RANBP2: variants seen among roughly 807,000 people sequenced by gnomAD.
RANBP2 encodes RAN binding protein 2, also known as E3 SUMO-protein ligase RanBP2.
Under a neutral mutation model 303.6 loss-of-function variants are expected in RANBP2, and 57 were observed. The ratio of observed to expected loss-of-function variants is 0.19; its 90% confidence interval spans 0.15 to 0.23. The LOEUF is 0.23. RANBP2 is among the 10% of genes least tolerant of loss of function. The probability of loss-of-function intolerance (pLI) is 1.00; values close to 1 mark genes in which losing one functional copy is unlikely to be tolerated. For missense variants in RANBP2, 3,138 were observed against 3,780.8 expected (o/e 0.83, Z 4.46); for synonymous variants, 1,167 against 1,301.5 (o/e 0.90, Z 2.23).
chr2:109,338,777 C>T, the RANBP2 span, among the ~76,000 whole-genome samples: 4 of 152,204 alleles, frequency 2.6e-5, no homozygotes, highest in East Asian at 1.9e-4. Flanking sequence ...AGGCTGGTCT[C>T]GAACTCTTGA....
chr2:108,864,565 A>G, the RANBP2 span, among the ~76,000 whole-genome samples: 8 of 152,134 alleles, frequency 5.3e-5, no homozygotes, highest in Non-Finnish European at 1.2e-4. Context: ...TGGGAGGCCA[A>G]GGCGGGCAGA....
downstream of RANBP2, chr2:108,786,643 T>G (rs887476364): frequency 3.0e-5 from 19 of 625,826 alleles, no homozygotes; most frequent in African/African-American, 3.3e-4. Flanking sequence ...CACGAGAAAC[T>G]TGGAGGACGC....
chr2:109,553,771 T>C, the RANBP2 span, among the ~76,000 whole-genome samples: 1 of 151,124 alleles, frequency 6.6e-6, no homozygotes, highest in South Asian at 2.1e-4. Flanking sequence ...GGAGAATTGC[T>C]TGAGCCTAGG....
At position 108,763,213 on chromosome 2, in the gene RANBP2, A is replaced by G. The variant is rs1268808236; in HGVS notation, c.2698-24A>G. ...TGTAGTTTTGTAGACAATCTACAAA[A>G]TGTTTTAACTTTCTGTCTTTTAGGG... On this transcript the variant is annotated intron_variant, in intron 19 of 28. Transcript: ENST00000283195. 2.5e-6 allele frequency: 4 copies of G among 1,611,958 alleles called. No homozygotes were observed. The East Asian group carries it at 8.9e-5, about 36-fold the overall frequency.
chr2:109,205,206 C>T, the RANBP2 span, among the ~76,000 whole-genome samples: 1 of 150,574 alleles, frequency 6.6e-6, no homozygotes. Context: ...AACTCCGTCT[C>T]TAAAAATAAA....
the RANBP2 span, among the ~76,000 whole-genome samples, chr2:109,728,915 C>T: frequency 6.6e-6 from 1 of 152,032 alleles, no homozygotes; most frequent in Non-Finnish European, 1.5e-5. Flanking sequence ...TGCTAAATTC[C>T]TGAGAATTTA....
At chr2:109,742,953 G>T in the RANBP2 span, among the ~76,000 whole-genome samples, 1 of 148,396 alleles carries the variant, frequency 6.7e-6, no homozygotes, top group Non-Finnish European at 1.5e-5. Context: ...AATAAATGAT[G>T]CTGAAATGAT....
At chr2:109,717,880 C>T in the RANBP2 span, among the ~76,000 whole-genome samples, 1 of 151,368 alleles carries the variant, frequency 6.6e-6, no homozygotes, top group African/African-American at 2.4e-5. Flanking sequence ...CACCATTGCA[C>T]TCCAGCCTGG....
the RANBP2 span, among the ~76,000 whole-genome samples, chr2:109,387,422 TATTTCTGCCC>T: frequency 8.5e-5 from 13 of 152,116 alleles, no homozygotes; most frequent in African/African-American, 3.1e-4. Flanking sequence ...ACCCCCACCT[TATTTCTGCCC>T]ATGTGTCTGC....
chr2:109,174,217 G>A, the RANBP2 span, among the ~76,000 whole-genome samples: 2 of 152,220 alleles, frequency 1.3e-5, no homozygotes, highest in Non-Finnish European at 2.9e-5. Context: ...TTACTGTTTC[G>A]AAGAGTAAGG....
chr2:108,850,186 T>A, the RANBP2 span, among the ~76,000 whole-genome samples: 1 of 152,150 alleles, frequency 6.6e-6, no homozygotes, highest in Non-Finnish European at 1.5e-5. Flanking sequence ...GAAAAACTCT[T>A]AAATCCTAAG....
the RANBP2 span, among the ~76,000 whole-genome samples, chr2:109,307,708 A>G: frequency 2.0e-5 from 3 of 148,868 alleles, no homozygotes; most frequent in South Asian, 6.4e-4. Context: ...TTTACTGAGA[A>G]TGATGATTTC....
At chr2:109,399,777 G>T in the RANBP2 span, among the ~76,000 whole-genome samples, 1 of 152,276 alleles carries the variant, frequency 6.6e-6, no homozygotes, top group African/African-American at 2.4e-5. Context: ...GACTGCAGCA[G>T]GAGATGGAAG....
the RANBP2 span, among the ~76,000 whole-genome samples, chr2:109,272,297 A>T: frequency 3.9e-5 from 6 of 152,336 alleles, no homozygotes; most frequent in African/African-American, 1.4e-4. Context: ...CTTGGAGCTG[A>T]TGGCTACACA....
the RANBP2 span, among the ~76,000 whole-genome samples, chr2:109,609,068 T>A: frequency 6.6e-6 from 1 of 152,112 alleles, no homozygotes; most frequent in Non-Finnish European, 1.5e-5. Flanking sequence ...AATCAATTAA[T>A]CCAAACATAA....
chr2:109,498,889 G>A, the RANBP2 span, among the ~76,000 whole-genome samples: 69 of 152,352 alleles, frequency 4.5e-4, 2 homozygotes, highest in South Asian at 0.014. Flanking sequence ...GGCAGAGGGA[G>A]CAGCATATGG....
the RANBP2 span, chr2:109,449,124 T>C: frequency 6.3e-7 from 1 of 1,584,550 alleles, no homozygotes; most frequent in Non-Finnish European, 8.6e-7. Flanking sequence ...CATGGCAAGT[T>C]GCAAACTAAC....
At chr2:109,290,372 G>A in the RANBP2 span, among the ~76,000 whole-genome samples, 25 of 152,274 alleles carry the variant, frequency 1.6e-4, no homozygotes, top group South Asian at 5.2e-3. Flanking sequence ...GTGTGATCAG[G>A]GATGAATGTA....
the RANBP2 span, among the ~76,000 whole-genome samples, chr2:109,511,097 C>T: frequency 3.3e-5 from 5 of 152,334 alleles, no homozygotes; most frequent in East Asian, 3.9e-4. Flanking sequence ...TTAACCAACT[C>T]GCCTCAGGAA....
Sources: gnomAD v4.1 joint callset for allele counts (sites outside exome capture counted in the v4.1 genomes callset) on GRCh38, gnomAD v4.1.1 for gene constraint, MANE v1.5 for transcripts, NCBI Gene and HGNC (gene_info 2026-07-23, HGNC 2026-07-21) for gene names.